SLC4A10: variants seen among roughly 807,000 people sequenced by gnomAD.
The protein encoded by SLC4A10 is solute carrier family 4 member 10.
A neutral mutation model predicts 137.7 loss-of-function variants in SLC4A10; 42 were observed. That is an observed-to-expected ratio of 0.30 (90% CI 0.24 to 0.39). The LOEUF is 0.39. SLC4A10 is among the 10% of genes least tolerant of loss of function. The pLI is 1.00. For synonymous variants in SLC4A10, 474 were observed against 464.1 expected (o/e 1.02, Z -0.27); for missense variants, 925 against 1,355.0 (o/e 0.68, Z 4.98).
Position 161,855,064 on chromosome 2 carries a change from A to C in SLC4A10, c.511A>C (p.Arg171=), listed in dbSNP as rs1559394776. 1 of 1,613,536 alleles carries C rather than the reference A, an allele frequency of 6.2e-7. No homozygotes were observed. The highest frequency in any genetic ancestry group is 8.5e-7 in the Non-Finnish European group (1 of 1,179,628). Residue 171 remains arginine, a synonymous_variant, in exon 5 of 27, where the codon AGA becomes CGA. Transcript: ENST00000446997. ...TTCATTGCACAGCTTGTTTGAATTG[A>C]GAAGTTGTATTCTGAATGGAACTGT... ...TLSLHSLFEL[R]SCILNGTVLL...
At chr2:161,783,611 CTG>C (rs2053293097) in intron 2 of SLC4A10, among the ~76,000 whole-genome samples, 1 of 151,744 alleles carries the variant, frequency 6.6e-6, no homozygotes. Flanking sequence ...GAAATGTTAA[CTG>C]TGACAACAAT....
intron 19 of SLC4A10, among the ~76,000 whole-genome samples, chr2:161,955,075 C>T (rs1172386231): frequency 6.6e-6 from 1 of 152,110 alleles, no homozygotes; most frequent in African/African-American, 2.4e-5. Flanking sequence ...TTAGCAGTAC[C>T]ATAATTTTGC....
chr2:161,669,865 A>G (rs1224296487), intron 1 of SLC4A10, among the ~76,000 whole-genome samples: 18 of 152,050 alleles, frequency 1.2e-4, no homozygotes, highest in Admixed American at 6.6e-4. Context: ...TTATGAAGCC[A>G]TGGTTTGTTA....
At position 161,863,031 on chromosome 2, in the gene SLC4A10, A is replaced by G; in HGVS notation, c.735A>G (p.Lys245=). 1 of 1,613,972 alleles carries G rather than the reference A, an allele frequency of 6.2e-7. No individual in the cohort carries two copies. Residue 245 remains lysine, a synonymous_variant, in exon 6 of 27, where the codon AAA becomes AAG. Transcript: ENST00000446997. ...IVRSFADIGK[K]QSEPNSMDKN... is the part of the protein sequence containing the mutation. ...GTTCCTTTGCTGATATTGGCAAGAA[A>G]CAGTCAGAACCAAATTCCATGGACA... is the stretch of plus-strand genomic sequence containing the variant.
intron 3 of SLC4A10, among the ~76,000 whole-genome samples, chr2:161,821,072 G>A (rs2057577839): frequency 6.6e-6 from 1 of 151,998 alleles, no homozygotes; most frequent in South Asian, 2.1e-4. Flanking sequence ...TTGGCCATTT[G>A]GATATTCTCT....
In SLC4A10 at chr2:161,863,053, G is replaced by A. The variant is rs1399636004; in HGVS notation, c.757G>A (p.Asp253Asn). The change falls in exon 6 of 27, where the codon GAC becomes AAC. Residue 253 changes from aspartate to asparagine, a missense_variant. Asp to Asn is a conservative substitution (Grantham distance 23). Transcript: ENST00000446997. ...GAAACAGTCAGAACCAAATTCCATGGACAAAAATGGTAAATGTTTATTTAT... is the reference window on the plus strand; with the variant it reads ...GAAACAGTCAGAACCAAATTCCATGAACAAAAATGGTAAATGTTTATTTAT... ...GKKQSEPNSM[D>N]KNAGQVVSPQ... 2 of 1,613,000 alleles carry A rather than the reference G, an allele frequency of 1.2e-6. No individual in the cohort carries two copies. Among genetic ancestry groups the A allele is most frequent in the African/African-American group, 2.7e-5 (2 of 74,808 alleles).
chr2:161,928,555 A>T, intron 15 of SLC4A10, among the ~76,000 whole-genome samples: 1 of 150,798 alleles, frequency 6.6e-6, no homozygotes, highest in East Asian at 1.9e-4. Context: ...AATATATAAT[A>T]AAAATATCTT....
chr2:161,695,059 G>A (rs182080577), intron 1 of SLC4A10, among the ~76,000 whole-genome samples: 11 of 152,130 alleles, frequency 7.2e-5, no homozygotes, highest in Admixed American at 5.9e-4. Flanking sequence ...TAAATATGAT[G>A]TAGTAATTAC....
At chr2:161,975,403 A>G (rs919492422) in intron 24 of SLC4A10, among the ~76,000 whole-genome samples, 1 of 152,210 alleles carries the variant, frequency 6.6e-6, no homozygotes, top group African/African-American at 2.4e-5. Flanking sequence ...AAATGAAACA[A>G]TCTAAGTAGT....
intron 1 of SLC4A10, among the ~76,000 whole-genome samples, chr2:161,652,676 T>C (rs1160276499): frequency 6.6e-6 from 1 of 152,168 alleles, no homozygotes; most frequent in African/African-American, 2.4e-5. Flanking sequence ...AGGAACAATG[T>C]TGGGTAGCAG....
intron 15 of SLC4A10, among the ~76,000 whole-genome samples, chr2:161,906,236 A>G (rs1684324820): frequency 1.3e-5 from 2 of 152,224 alleles, no homozygotes; most frequent in South Asian, 4.1e-4. Flanking sequence ...TTTTTAATTT[A>G]CAATAATCCA....
chr2:161,949,779 A>C (rs1694467273), intron 18 of SLC4A10, among the ~76,000 whole-genome samples: 1 of 151,886 alleles, frequency 6.6e-6, no homozygotes, highest in African/African-American at 2.4e-5. Flanking sequence ...GTGGGGCCCA[A>C]GTCTAAATAC....
chr2:161,629,299 T>C (rs182050381), intron 1 of SLC4A10, among the ~76,000 whole-genome samples: 1 of 151,742 alleles, frequency 6.6e-6, no homozygotes, highest in Non-Finnish European at 1.5e-5. Context: ...CAAACAGTTG[T>C]CTCAGATACT....
At chr2:161,777,633 A>G (rs1259651712) in intron 2 of SLC4A10, among the ~76,000 whole-genome samples, 2 of 151,978 alleles carry the variant, frequency 1.3e-5, no homozygotes, top group African/African-American at 4.8e-5. Flanking sequence ...AGGCAGAAAG[A>G]GAGAGAGCTT....
At position 161,796,087 on chromosome 2, in the gene SLC4A10, T is replaced by A. The variant is rs146713710; in HGVS notation, c.131-8362T>A. ...TTGGTCATAAGTTAACATTTTCCCA[T>A]TATTTTCCATTTTGAATCACTTTCC... On this transcript the variant is annotated intron_variant, in intron 2 of 26. Transcript: ENST00000446997. Among the ~76,000 whole-genome samples, 829 of 152,282 alleles carry A rather than the reference T, an allele frequency of 5.4e-3. 21 individuals are homozygous for A. The highest frequency in any genetic ancestry group is 0.034 in the East Asian group (175 of 5,182).
intron 1 of SLC4A10, among the ~76,000 whole-genome samples, chr2:161,650,662 G>A (rs899376464): frequency 3.3e-5 from 5 of 152,202 alleles, no homozygotes; most frequent in Non-Finnish European, 5.9e-5. Context: ...CTCTAATTTC[G>A]GAGCAAAGTT....
intron 2 of SLC4A10, among the ~76,000 whole-genome samples, chr2:161,773,076 A>T (rs2051853495): frequency 6.6e-6 from 1 of 151,926 alleles, no homozygotes; most frequent in African/African-American, 2.4e-5. Context: ...AGAATACCAC[A>T]GACTGGATAA....
chr2:161,912,098 A>G (rs1685996296), intron 15 of SLC4A10, among the ~76,000 whole-genome samples: 2 of 152,064 alleles, frequency 1.3e-5, no homozygotes, highest in South Asian at 4.1e-4. Flanking sequence ...AGCCTTTTTG[A>G]ACAGAATTTG....
At chr2:161,632,757 C>A (rs963422864) in intron 1 of SLC4A10, among the ~76,000 whole-genome samples, 2 of 151,334 alleles carry the variant, frequency 1.3e-5, no homozygotes, top group Non-Finnish European at 3.0e-5. Context: ...AGGAAACCAG[C>A]ATTTAAAAAA....
Sources: allele counts gnomAD v4.1 joint callset (sites outside exome capture counted in the v4.1 genomes callset), GRCh38; gene constraint gnomAD v4.1.1; transcripts MANE v1.5; gene names NCBI Gene and HGNC (gene_info 2026-07-23, HGNC 2026-07-21).